Variants in ANKRD35 observed in about 807,000 individuals in gnomAD.
ANKRD35 encodes the protein ankyrin repeat domain 35.
In ANKRD35, 102 loss-of-function variants were observed where a neutral mutation model predicts 109.9. The ratio of observed to expected loss-of-function variants is 0.93; its 90% CI spans 0.79 to 1.09. The LOEUF (loss-of-function observed/expected upper bound fraction) is 1.09, where lower values mean the gene tolerates loss of function less well. Ranked by LOEUF, ANKRD35 falls within the 50% of genes least tolerant of loss-of-function variation. The pLI is 0.00. For missense variants in ANKRD35, 1,240 were observed against 1,230.1 expected, an observed-to-expected ratio of 1.01 and a Z score of -0.12; for synonymous variants, 515 against 512.4, an observed-to-expected ratio of 1.01 and a Z score of -0.07.
At chr1:145,867,495 T>C in intron 12 of ANKRD35, 103 bp from the exon 13 acceptor site, 1 of 930,288 alleles carries the variant, frequency 1.1e-6, no homozygotes, top group Non-Finnish European at 1.7e-6. Context: ...ATTTATTTAC[T>C]ATATACCTTC....
At position 145,868,336 on chromosome 1, in the gene ANKRD35, T is replaced by C; in HGVS notation, c.2852A>G (p.Asn951Ser). 1.2e-6 allele frequency: 2 copies of C among 1,614,124 alleles called. No individual in the cohort carries two copies. Among genetic ancestry groups the C allele is most frequent in the East Asian group, 2.2e-5 (1 of 44,876 alleles). ...CTGCAGCTGCAGGGCAAGGCGAGCA[T>C]TTTCTCCCCGAATTGCTAGAACCTC... The part of the protein sequence containing the change: ...SEEVLAIRGE[N>S]ARLALQLQDS... Residue 951 changes from asparagine (N) to serine (S), a missense_variant, in exon 11 of 14, where the codon AAT becomes AGT. Asn to Ser is a conservative substitution (Grantham distance 46). Coordinates refer to ENST00000355594, the MANE Select transcript of ANKRD35 (RefSeq NM_144698.5).
At chr1:145,879,461 T>C in intron 1 of ANKRD35, 73 bp from the exon 2 acceptor site, 1 of 1,358,052 alleles carries the variant, frequency 7.4e-7, no homozygotes, top group East Asian at 2.7e-5. Context: ...GGCAAATGGT[T>C]AGGATGCCAA....
At chr1:145,871,191 T>G (rs1415312191) in intron 10 of ANKRD35, among the ~76,000 whole-genome samples, 1 of 127,106 alleles carries the variant, frequency 7.9e-6, no homozygotes. Flanking sequence ...TGAGACAGAG[T>G]CTTGCTGTGT....
chr1:145,877,913 A>G, intron 4 of ANKRD35, 55 bp downstream of exon 4: 1 of 1,544,828 alleles, frequency 6.5e-7, no homozygotes. Context: ...GAAGTTAGAA[A>G]ACTCTGGGAC....
chr1:145,878,662 A>G (rs1436637388), intron 2 of ANKRD35, among the ~76,000 whole-genome samples, 183 bp from the exon 3 acceptor site: 1 of 152,196 alleles, frequency 6.6e-6, no homozygotes, highest in Admixed American at 6.5e-5. Flanking sequence ...ATCACAAAGG[A>G]TGCTAAAAGC....
At chr1:145,877,042 A>G (rs1367900280) in intron 4 of ANKRD35, among the ~76,000 whole-genome samples, 169 bp from the exon 5 acceptor site, 1 of 152,212 alleles carries the variant, frequency 6.6e-6, no homozygotes, top group Non-Finnish European at 1.5e-5. Context: ...GATGATAGGC[A>G]GCCTTGAATA....
At position 145,879,330 on chromosome 1, in the gene ANKRD35, A is replaced by C; in HGVS notation, c.98T>G (p.Val33Gly). Residue 33 changes from valine (V) to glycine (G), a missense_variant, in exon 2 of 14, where the codon GTG (valine) becomes GGG (glycine). Coordinates refer to ENST00000355594, the MANE Select transcript of ANKRD35 (RefSeq NM_144698.5). ...GGAGGCCAGGGCAGCCACGCGTCCC[A>C]CATCCCCCCTGTGCACTGCCTCCAG... is the stretch of plus-strand genomic sequence containing the variant. ...KLLEAVHRGD[V>G]GRVAALASRK... 25 of 1,610,906 alleles carry C rather than the reference A, an allele frequency of 1.6e-5. No individual in the cohort carries two copies. Among genetic ancestry groups the C allele is most frequent in the Non-Finnish European group, 2.0e-5 (24 of 1,178,682 alleles).
intron 10 of ANKRD35, among the ~76,000 whole-genome samples, chr1:145,871,563 C>T (rs895709124): frequency 4.6e-5 from 7 of 152,198 alleles, no homozygotes; most frequent in African/African-American, 1.4e-4. Flanking sequence ...CTCGCTGGGT[C>T]TACTTTTCTT....
rs1553741798 is a variant in ANKRD35, at chr1:145,885,789, CG to C, written c.-32del. ...GGGTCGGGGCCACGGGGGATGGGGA[CG>C]CGCAGAGAGCCGGGCCACAGGTTCC... On this transcript the variant is annotated 5_prime_UTR_variant, in exon 1 of 14. Transcript: ENST00000355594. 4 of 1,549,348 alleles carry C rather than the reference CG, an allele frequency of 2.6e-6. No individual in the cohort carries two copies. Among genetic ancestry groups the C allele is most frequent in the Non-Finnish European group, 3.6e-6 (4 of 1,121,444 alleles).
rs782158430 is a variant in ANKRD35 at position 145,873,485 on chromosome 1, G to T, written c.1284C>A (p.Pro428=). Residue 428 remains proline, a synonymous_variant, in exon 10 of 14, where the codon CCC becomes CCA. Transcript: ENST00000355594. ...GRSQPEEQGP[P]QSPASETIRK... ...TGATGGTCTCAGACGCTGGGCTCTGGGGTGGCCCCTGTTCTTCTGGTTGGG... is the reference window on the plus strand; with the variant it reads ...TGATGGTCTCAGACGCTGGGCTCTGTGGTGGCCCCTGTTCTTCTGGTTGGG... The T allele has an allele frequency of 4.3e-6, 7 of 1,613,996 alleles. No individual in the cohort carries two copies. In the Admixed American group the frequency reaches 1.2e-4, roughly 27 times the overall value.
At chr1:145,869,789 A>G (rs1221519296) in intron 10 of ANKRD35, among the ~76,000 whole-genome samples, 1 of 152,060 alleles carries the variant, frequency 6.6e-6, no homozygotes, top group South Asian at 2.1e-4. Flanking sequence ...ATTATAATCT[A>G]CGTTTTGTAG....
Position 145,871,966 on chromosome 1 carries a change from T to G in ANKRD35, c.2787+16A>C, listed in dbSNP as rs75774586. Reference sequence around the variant, plus strand: ...AACTTTCCCCAGTGCTCCCCAGGGCTACCTCAGCTGCTCACCTTGGCTTCC... The same window carrying G: ...AACTTTCCCCAGTGCTCCCCAGGGCGACCTCAGCTGCTCACCTTGGCTTCC... On this transcript the variant is annotated intron_variant, in intron 10 of 13. Coordinates refer to ENST00000355594, the MANE Select transcript of ANKRD35 (RefSeq NM_144698.5). 1,213 of 1,607,624 alleles carry G rather than the reference T, an allele frequency of 7.5e-4. 15 individuals carry two copies. In the African/African-American group the frequency reaches 0.014, roughly 18 times the overall value.
At position 145,873,082 on chromosome 1, in the gene ANKRD35, AAGGAACCTC is replaced by A; in HGVS notation, c.1678_1686del (p.Glu560_Pro562del). The A allele has an allele frequency of 6.2e-7, 1 of 1,612,770 alleles. No individual in the cohort carries two copies. Among genetic ancestry groups the A allele is most frequent in the South Asian group, 1.1e-5 (1 of 90,920 alleles). On this transcript the variant is annotated inframe_deletion, in exon 10 of 14. Transcript: ENST00000355594. Reference sequence around the variant, plus strand: ...AGGGCTCCCTCTCTGGACTCCTGGGAAGGAACCTCAGGTTTCACCTGTAGTCCTGCCTTT... The same window carrying A: ...AGGGCTCCCTCTCTGGACTCCTGGGAAGGTTTCACCTGTAGTCCTGCCTTT...
intron 10 of ANKRD35, 46 bp from the exon 11 acceptor site, chr1:145,868,446 T>G (rs1653686191): frequency 1.3e-6 from 2 of 1,562,848 alleles, no homozygotes; most frequent in Non-Finnish European, 1.8e-6. Context: ...CCAAGTCATT[T>G]CTCCCACAAG....
Position 145,872,225 on chromosome 1 carries a change from A to C in ANKRD35, c.2544T>G (p.Ala848=). The C allele has an allele frequency of 1.9e-6, 3 of 1,610,622 alleles. No homozygotes were observed. Among genetic ancestry groups the C allele is most frequent in the Non-Finnish European group, 1.7e-6 (2 of 1,178,550 alleles). ...ACAGAGCCTTTAGCTCCTGGCCCCA[A>C]GCCTGAGCCTGGGCCACCAGCGAAC... is the stretch of plus-strand genomic sequence containing the variant. ...TRGSLVAQAQ[A]WGQELKALLE... Residue 848 remains alanine (A), a synonymous_variant, in exon 10 of 14, where the codon GCT becomes GCG. Transcript: ENST00000355594.
Position 145,872,756 on chromosome 1 carries a change from C to A in ANKRD35, c.2013G>T (p.Gln671His). Residue 671 changes from glutamine (Q) to histidine (H), a missense_variant, in exon 10 of 14, where the codon CAG becomes CAT. By Grantham distance (24) the Gln-to-His change is conservative. Transcript: ENST00000355594. ...GTTCATTTGTCAGCAGCCCCACACT[C>A]TGTCGCAACTGCTGTAGCTGGACCT... ...QAQVQLQQLR[Q>H]SVGLLTNELA... The A allele has an allele frequency of 6.2e-7, 1 of 1,614,174 alleles. No homozygotes were observed. Among genetic ancestry groups the A allele is most frequent in the South Asian group, 1.1e-5 (1 of 91,084 alleles).
intron 1 of ANKRD35, among the ~76,000 whole-genome samples, chr1:145,883,508 A>T (rs1553741459): frequency 6.6e-6 from 1 of 152,240 alleles, no homozygotes; most frequent in African/African-American, 2.4e-5. Context: ...ATGGGATTAT[A>T]GGAGTTGGGG....
At position 145,885,797 on chromosome 1, in the gene ANKRD35, G is replaced by T. The variant is rs782725213; in HGVS notation, c.-39C>A. 10 of 1,517,578 alleles carry T rather than the reference G, an allele frequency of 6.6e-6. 1 individual carries two copies. The South Asian group carries it at 1.1e-4, about 17-fold the overall frequency. 94.0% of individuals were successfully genotyped at this position (1,517,578 alleles called of 1,614,324 possible). On this transcript the variant is annotated 5_prime_UTR_variant, in exon 1 of 14. Coordinates refer to ENST00000355594, the MANE Select transcript of ANKRD35 (RefSeq NM_144698.5). Reference sequence around the variant, plus strand: ...GCCACGGGGGATGGGGACGCGCAGAGAGCCGGGCCACAGGTTCCCGAACCC... The same window carrying T: ...GCCACGGGGGATGGGGACGCGCAGATAGCCGGGCCACAGGTTCCCGAACCC...
At position 145,873,866 on chromosome 1, in the gene ANKRD35, CT is replaced by C. The variant is rs782472076; in HGVS notation, c.902del (p.Lys301SerfsTer44). On this transcript the variant is annotated frameshift_variant, in exon 10 of 14. Transcript: ENST00000355594. LOFTEE classifies it high-confidence loss of function. Reference sequence around the variant, plus strand: ...CAACTTTCCTCCGCTCCTCTTCATACTTCCACCTCCACTCCTCCGAGCACGG... The same window carrying C: ...CAACTTTCCTCCGCTCCTCTTCATACTCCACCTCCACTCCTCCGAGCACGG... ...EDPCSEEWRW[K>X]YEEERRKVVR... 1 of 1,613,738 alleles carries C rather than the reference CT, an allele frequency of 6.2e-7. No homozygotes were observed. The highest frequency in any genetic ancestry group is 8.5e-7 in the Non-Finnish European group (1 of 1,179,908).
Sources: allele counts gnomAD v4.1 joint callset (sites outside exome capture counted in the v4.1 genomes callset), GRCh38; gene constraint gnomAD v4.1.1; transcripts MANE v1.5; gene names NCBI Gene and HGNC (gene_info 2026-07-23, HGNC 2026-07-21).